The following CCL25 variants were observed in gnomAD, a reference collection of about 807,000 sequenced individuals.
CCL25 encodes C-C motif chemokine ligand 25, also known as C-C motif chemokine 25.
CCL25 carries 14 observed loss-of-function variants against 19.9 expected under a neutral mutation model. That is an observed-to-expected ratio of 0.70 (90% CI 0.47 to 1.10). The LOEUF (loss-of-function observed/expected upper bound fraction) is 1.10. Ranked by LOEUF, CCL25 falls within the 50% of genes least tolerant of loss-of-function variation. The pLI is 0.00. For missense variants in CCL25, 151 were observed against 181.2 expected (o/e 0.83, Z 0.96); for synonymous variants, 68 against 73.2 (o/e 0.93, Z 0.36).
rs535250491 is a variant in CCL25, at chr19:8,060,276, G to A, written c.446-1942G>A. Among the ~76,000 whole-genome samples, 10 of 152,154 alleles carry A rather than the reference G, an allele frequency of 6.6e-5. No homozygotes were observed. In the South Asian group the frequency reaches 2.1e-3, roughly 32 times the overall value. On this transcript the variant is annotated intron_variant, in intron 5 of 5. Coordinates refer to ENST00000315626, the MANE Select transcript of CCL25 (RefSeq NM_005624.4). ...GGATTACTTGAGCCCAGGAGGTAGA[G>A]GTTGCAGTGAGCTATGATCATACCA...
At chr19:8,060,125 G>A (rs1203140254) in intron 5 of CCL25, among the ~76,000 whole-genome samples, 1 of 151,370 alleles carries the variant, frequency 6.6e-6, no homozygotes, top group Non-Finnish European at 1.5e-5. Context: ...ATTGAGCCCA[G>A]GAGTTTGAGA....
chr19:8,053,231 G>A (rs906133906), intron 2 of CCL25, 109 bp downstream of exon 2: 1 of 624,692 alleles, frequency 1.6e-6, no homozygotes, highest in Admixed American at 3.2e-5. Context: ...CATCTCCACT[G>A]AATTCTCCCG....
At chr19:8,058,581 AAT>A (rs1238714682) in intron 5 of CCL25, among the ~76,000 whole-genome samples, 1 of 128,196 alleles carries the variant, frequency 7.8e-6, no homozygotes, top group Non-Finnish European at 1.6e-5. Context: ...ATAATATATA[AAT>A]ATATAATATA....
In CCL25 at chr19:8,057,939, G is replaced by C; in HGVS notation, c.445+19G>C. ...AATTCAGGTAAGGACTCTTGGTCAT[G>C]TGACTGTCTCCCATCCATCACCTTT... On this transcript the variant is annotated intron_variant, in intron 5 of 5. Coordinates refer to ENST00000315626, the MANE Select transcript of CCL25 (RefSeq NM_005624.4). 6.2e-7 allele frequency: 1 copy of C among 1,607,602 alleles called. No individual in the cohort carries two copies. Among genetic ancestry groups the C allele is most frequent in the South Asian group, 1.1e-5 (1 of 90,672 alleles).
rs141873772 is a variant in CCL25, at chr19:8,061,425, G to C, written c.446-793G>C. Among the ~76,000 whole-genome samples, 686 of 152,250 alleles carry C rather than the reference G, an allele frequency of 4.5e-3. 8 individuals carry two copies. The highest frequency in any genetic ancestry group is 0.015 in the African/African-American group (643 of 41,570). ...CTCCCAAAGTTCTGGGATGACAGGCGTGAGCCACCATGCCCAGCCAACCAG... is the reference window on the plus strand; with the variant it reads ...CTCCCAAAGTTCTGGGATGACAGGCCTGAGCCACCATGCCCAGCCAACCAG... On this transcript the variant is annotated intron_variant, in intron 5 of 5. Transcript: ENST00000315626.
chr19:8,060,982 ATT>A (rs68112327), intron 5 of CCL25, among the ~76,000 whole-genome samples: 11 of 95,154 alleles, frequency 1.2e-4, no homozygotes, highest in East Asian at 2.9e-4. Flanking sequence ...GCCCGGCCTA[ATT>A]TTTTTTTTTT....
chr19:8,060,442 CT>C (rs2081309860), intron 5 of CCL25, among the ~76,000 whole-genome samples: 1 of 152,130 alleles, frequency 6.6e-6, no homozygotes, highest in African/African-American at 2.4e-5. Context: ...AGTGTAGAAG[CT>C]TCTGTTCCCG....
At chr19:8,058,470 TATATA>T (rs951796066) in intron 5 of CCL25, among the ~76,000 whole-genome samples, 3 of 112,188 alleles carry the variant, frequency 2.7e-5, no homozygotes, top group Non-Finnish European at 5.2e-5. Flanking sequence ...TATAAGTAAA[TATATA>T]ATATATAAAT....
rs2081273309 is a variant in CCL25, at chr19:8,056,448, G to T, written c.274G>T (p.Ala92Ser). 1 of 1,614,030 alleles carries T rather than the reference G, an allele frequency of 6.2e-7. No homozygotes were observed. Among genetic ancestry groups the T allele is most frequent in the African/African-American group, 1.3e-5 (1 of 74,930 alleles). ...EVQRAMKLLD[A>S]RNKVFAKLHH... is the part of the protein sequence containing the mutation. ...GCAGAGAGCCATGAAGCTCCTGGAT[G>T]CTCGAAATAAGGTTTTTGCAAAGCT... The change falls in exon 4 of 6, where the codon GCT (alanine) becomes TCT (serine). Residue 92 changes from alanine to serine, a missense_variant. Physicochemically the swap from Ala to Ser is moderately conservative, Grantham distance 99. Transcript: ENST00000315626.
At chr19:8,061,743 C>T (rs1344699292) in intron 5 of CCL25, among the ~76,000 whole-genome samples, 1 of 152,010 alleles carries the variant, frequency 6.6e-6, no homozygotes, top group Non-Finnish European at 1.5e-5. Flanking sequence ...CCTGTAATCC[C>T]AGCACTTTGG....
chr19:8,059,083 T>C (rs1307486404), intron 5 of CCL25, among the ~76,000 whole-genome samples: 131 of 35,094 alleles, frequency 3.7e-3, no homozygotes, highest in African/African-American at 8.2e-3. Context: ...ATAATATATA[T>C]AATATATATA....
chr19:8,062,112 C>A, intron 5 of CCL25, 106 bp from the exon 6 acceptor site: 11 of 975,234 alleles, frequency 1.1e-5, no homozygotes, highest in Middle Eastern at 3.4e-4. Flanking sequence ...CAGAAATTCA[C>A]AAGGGTTTTA....
At position 8,052,818 on chromosome 19, in the gene CCL25, T is replaced by G; in HGVS notation, c.-55T>G. ...GCATCAGCTCCCTTGACCCAGTGGA[T>G]ATCGGTGAGTCTTTTCCTTGAACAT... On this transcript the variant is annotated 5_prime_UTR_variant, in exon 1 of 6. Coordinates refer to ENST00000315626, the MANE Select transcript of CCL25 (RefSeq NM_005624.4). 1 of 489,610 alleles carries G rather than the reference T, an allele frequency of 2.0e-6. No homozygotes were observed. Among genetic ancestry groups the G allele is most frequent in the Non-Finnish European group, 3.6e-6 (1 of 275,142 alleles). The allele number at this position is 489,610 out of a possible 1,614,324, so 30.3% of individuals were successfully genotyped here. A position where few individuals can be genotyped will look rare whatever the true frequency, so the allele number is the denominator to read the frequency against.
chr19:8,062,141 G>T (rs1409887766), intron 5 of CCL25, 77 bp from the exon 6 acceptor site: 2 of 1,434,366 alleles, frequency 1.4e-6, no homozygotes, highest in Non-Finnish European at 2.0e-6. Context: ...AGGGACTGGA[G>T]GTAGAGACAA....
intron 5 of CCL25, among the ~76,000 whole-genome samples, chr19:8,058,359 A>G (rs1227144662): frequency 4.7e-5 from 6 of 128,690 alleles, no homozygotes; most frequent in African/African-American, 1.8e-4. Context: ...ATATAAGTAA[A>G]TATATAATAT....
At chr19:8,061,912 T>G (rs1292729815) in intron 5 of CCL25, among the ~76,000 whole-genome samples, 1 of 151,762 alleles carries the variant, frequency 6.6e-6, no homozygotes, top group Non-Finnish European at 1.5e-5. Context: ...TAGCCGGGCA[T>G]GGTGGTACTC....
At chr19:8,061,271 G>A (rs1365269360) in intron 5 of CCL25, among the ~76,000 whole-genome samples, 1 of 151,386 alleles carries the variant, frequency 6.6e-6, no homozygotes, top group East Asian at 2.0e-4. Flanking sequence ...TTACAGGCGT[G>A]AGCCACCACG....
chr19:8,057,116 AT>A (rs2081277937), intron 4 of CCL25, among the ~76,000 whole-genome samples: 1 of 144,952 alleles, frequency 6.9e-6, no homozygotes, highest in Non-Finnish European at 1.5e-5. Context: ...TGCCTCCTGA[AT>A]TCAAGCGATT....
chr19:8,055,630 G>A (rs145365602), intron 2 of CCL25, among the ~76,000 whole-genome samples: 1,694 of 151,354 alleles, frequency 0.011, 32 homozygotes, highest in African/African-American at 0.038. Context: ...CACCGCGCCC[G>A]GCCTAATTTT....
Sources: allele counts gnomAD v4.1 joint callset (sites outside exome capture counted in the v4.1 genomes callset), GRCh38; gene constraint gnomAD v4.1.1; transcripts MANE v1.5; gene names NCBI Gene and HGNC (gene_info 2026-07-23, HGNC 2026-07-21).